CHN2: variants seen among roughly 807,000 people sequenced by gnomAD.
CHN2 encodes chimerin 2.
CHN2 carries 35 observed loss-of-function variants against 56.3 expected under a neutral mutation model. The observed-to-expected ratio is 0.62, with a 90% CI of 0.47 to 0.82. The LOEUF (loss-of-function observed/expected upper bound fraction) is 0.82, where lower values mean the gene tolerates loss of function less well. CHN2 is among the 40% of genes least tolerant of loss of function. The pLI is 0.00. For synonymous variants in CHN2, 210 were observed against 212.8 expected, an observed-to-expected ratio of 0.99 and a Z score of 0.12; for missense variants, 491 against 580.5, an observed-to-expected ratio of 0.85 and a Z score of 1.58.
At chr7:29,496,243 G>GA (rs70980542) in intron 8 of CHN2, among the ~76,000 whole-genome samples, 26,911 of 132,062 alleles carry the variant, frequency 0.2, 2,504 homozygotes, top group Middle Eastern at 0.24. Flanking sequence ...TGCAAGAAAA[G>GA]AAAAAAAAAA....
intron 2 of CHN2, among the ~76,000 whole-genome samples, chr7:29,172,377 A>T (rs966189596): frequency 6.6e-6 from 1 of 152,186 alleles, no homozygotes; most frequent in East Asian, 1.9e-4. Context: ...ACCCTTGGTT[A>T]TGATAGCATC....
At chr7:29,504,617 TAAATA>T (rs1554307213) in intron 9 of CHN2, 122 bp from the exon 10 acceptor site, 2 of 618,784 alleles carry the variant, frequency 3.2e-6, no homozygotes, top group South Asian at 2.2e-5. Context: ...CAGTGTGTGA[TAAATA>T]AAATCACTGT....
intron 1 of CHN2, among the ~76,000 whole-genome samples, chr7:29,234,729 C>T (rs918958635): frequency 6.6e-6 from 1 of 152,220 alleles, no homozygotes; most frequent in Admixed American, 6.5e-5. Flanking sequence ...TGTCCCGTCA[C>T]ATGAGCCTTC....
At position 29,480,756 on chromosome 7, in the gene CHN2, G is replaced by A. The variant is rs531128930; in HGVS notation, c.654+400G>A. On this transcript the variant is annotated intron_variant, in intron 7 of 12. Coordinates refer to ENST00000222792, the MANE Select transcript of CHN2 (RefSeq NM_004067.4). ...TCCGAGCAAGGGAAAACAGTTGCCT[G>A]TTTCTCGTTTTGTGTTTTGTCTTTT... 2.6e-5 allele frequency among the ~76,000 whole-genome samples: 4 copies of A among 152,342 alleles called. No homozygotes were observed. In the South Asian group the frequency reaches 8.3e-4, roughly 32 times the overall value.
intron 1 of CHN2, among the ~76,000 whole-genome samples, chr7:29,273,341 G>A (rs13229145): frequency 0.43 from 33,318 of 76,750 alleles, 6,732 homozygotes; most frequent in East Asian, 0.68. Flanking sequence ...ATATATATAT[G>A]TGTATATATA....
chr7:29,230,902 A>C (rs560528496), intron 1 of CHN2, among the ~76,000 whole-genome samples: 2 of 152,272 alleles, frequency 1.3e-5, no homozygotes, highest in East Asian at 1.9e-4. Context: ...ACCTATTATA[A>C]AGTGCATCCA....
At chr7:29,244,029 T>A (rs967751038) in intron 1 of CHN2, among the ~76,000 whole-genome samples, 3 of 152,224 alleles carry the variant, frequency 2.0e-5, no homozygotes, top group Non-Finnish European at 2.9e-5. Context: ...TTTCTTCATT[T>A]TTAGTTAGTG....
intron 1 of CHN2, among the ~76,000 whole-genome samples, chr7:29,336,813 C>A (rs1024475): frequency 7.4e-6 from 1 of 135,748 alleles, no homozygotes; most frequent in South Asian, 2.6e-4. Context: ...ACCAGAAAGT[C>A]TCCTTGCTTC....
At chr7:29,512,293 T>C (rs572435377) in intron 12 of CHN2, among the ~76,000 whole-genome samples, 55 of 108,002 alleles carry the variant, frequency 5.1e-4, no homozygotes, top group Middle Eastern at 8.2e-3. Context: ...ATTTACTTAA[T>C]AAGGAGGACT....
chr7:29,151,360 G>A (rs374701285), intron 2 of CHN2, among the ~76,000 whole-genome samples: 4 of 152,086 alleles, frequency 2.6e-5, no homozygotes, highest in Non-Finnish European at 2.9e-5. Context: ...ATGGTTTAGC[G>A]CCCTTTAGCA....
chr7:29,510,316 G>C (rs1791151504), intron 12 of CHN2, among the ~76,000 whole-genome samples: 1 of 152,156 alleles, frequency 6.6e-6, no homozygotes, highest in Non-Finnish European at 1.5e-5. Context: ...TGATGGGTCT[G>C]TAATCCCAGC....
At chr7:29,404,543 C>T (rs953560317) in intron 6 of CHN2, among the ~76,000 whole-genome samples, 1 of 151,998 alleles carries the variant, frequency 6.6e-6, no homozygotes, top group Admixed American at 6.5e-5. Context: ...TATGGTACAT[C>T]CATGTTAAGG....
At chr7:29,433,868 G>GGGGAGGAA (rs57306490) in intron 6 of CHN2, among the ~76,000 whole-genome samples, 37,927 of 146,298 alleles carry the variant, frequency 0.26, 5,136 homozygotes, top group African/African-American at 0.31. Flanking sequence ...GAAGGGAGAG[G>GGGGAGGAA]GGGAGGAAGG....
rs952514578 is a variant in CHN2, at chr7:29,184,634, T to G, written c.274+37674T>G. On this transcript the variant is annotated intron_variant, in intron 2 of 6. Coordinates refer to the CHN2 transcript ENST00000439384. Reference sequence around the variant, plus strand: ...TCTCAAGGGAGGGTCAGCCTTTCTGTTTTCTCCAGGCCTTCAACTGATGTG... The same window carrying G: ...TCTCAAGGGAGGGTCAGCCTTTCTGGTTTCTCCAGGCCTTCAACTGATGTG... The G allele has an allele frequency of 2.0e-5, 3 of 152,290 alleles. No individual in the cohort carries two copies. In the East Asian group the frequency reaches 5.8e-4, roughly 29 times the overall value. 9.4% of individuals were successfully genotyped at this position (152,290 alleles called of 1,614,324 possible). A position where few individuals can be genotyped will look rare whatever the true frequency, so the allele number is the denominator to read the frequency against.
At chr7:29,281,126 G>A (rs1424643899) in intron 1 of CHN2, among the ~76,000 whole-genome samples, 1 of 152,138 alleles carries the variant, frequency 6.6e-6, no homozygotes, top group Admixed American at 6.5e-5. Context: ...TCATAAAATG[G>A]TAAATAGTGA....
chr7:29,325,385 C>T (rs1004000579), intron 1 of CHN2, among the ~76,000 whole-genome samples: 2 of 152,128 alleles, frequency 1.3e-5, no homozygotes, highest in Non-Finnish European at 2.9e-5. Context: ...TTGTTTTGTC[C>T]TTGGCAATCC....
At chr7:29,150,232 C>G (rs182268908) in intron 2 of CHN2, among the ~76,000 whole-genome samples, 1 of 152,254 alleles carries the variant, frequency 6.6e-6, no homozygotes, top group Admixed American at 6.5e-5. Context: ...TGACCATAAG[C>G]AAGTTACTTA....
rs939771106 is a variant in CHN2 at position 29,293,860 on chromosome 7, T to C, written c.50-60765T>C. Reference sequence around the variant, plus strand: ...TATAAGCTCCACGAGGCTGGGAATTTTTTTTTTTTTTTTTTTTTTTTTTTG... The same window carrying C: ...TATAAGCTCCACGAGGCTGGGAATTCTTTTTTTTTTTTTTTTTTTTTTTTG... On this transcript the variant is annotated intron_variant, in intron 1 of 12. Transcript: ENST00000222792. Among the ~76,000 whole-genome samples, 990 of 105,504 alleles carry C rather than the reference T, an allele frequency of 9.4e-3. 20 individuals are homozygous for C. The highest frequency in any genetic ancestry group is 0.039 in the African/African-American group (897 of 22,726). 69.2% of individuals were successfully genotyped at this position (105,504 alleles called of 152,430 possible).
At chr7:29,460,582 G>T (rs1023527709) in intron 6 of CHN2, among the ~76,000 whole-genome samples, 2 of 152,220 alleles carry the variant, frequency 1.3e-5, no homozygotes, top group African/African-American at 4.8e-5. Flanking sequence ...GGTTTTAAAA[G>T]GCCAGAGGTC....
Sources: gnomAD v4.1 joint callset for allele counts (sites outside exome capture counted in the v4.1 genomes callset) on GRCh38, gnomAD v4.1.1 for gene constraint, MANE v1.5 for transcripts, NCBI Gene and HGNC (gene_info 2026-07-23, HGNC 2026-07-21) for gene names.